CDH18: variants seen among roughly 807,000 people sequenced by gnomAD.
CDH18 encodes the protein cadherin-18.
Under a neutral mutation model 67.9 loss-of-function variants are expected in CDH18, and 31 were observed. The ratio of observed to expected loss-of-function variants is 0.46; its 90% CI spans 0.34 to 0.62. The LOEUF is 0.62. CDH18 is among the 20% of genes least tolerant of loss of function. The pLI is 0.01. For missense variants in CDH18, 890 were observed against 975.5 expected, an observed-to-expected ratio of 0.91 and a Z score of 1.17; for synonymous variants, 362 against 347.2, an observed-to-expected ratio of 1.04 and a Z score of -0.48.
chr5:20,286,496 T>C (rs1746707133), intron 1 of CDH18, among the ~76,000 whole-genome samples: 1 of 151,738 alleles, frequency 6.6e-6, no homozygotes, highest in African/African-American at 2.4e-5. Context: ...GATATTGAAG[T>C]GGAAATTTTT....
At chr5:20,531,805 T>C (rs1332813948) in intron 1 of CDH18, among the ~76,000 whole-genome samples, 1 of 151,932 alleles carries the variant, frequency 6.6e-6, no homozygotes, top group Non-Finnish European at 1.5e-5. Context: ...AATATCTAGG[T>C]GATGGGTAGA....
At chr5:20,385,883 G>A (rs1744274562) in intron 1 of CDH18, among the ~76,000 whole-genome samples, 1 of 152,070 alleles carries the variant, frequency 6.6e-6, no homozygotes, top group East Asian at 1.9e-4. Context: ...TTAAATTTGT[G>A]TTTTACTTCT....
chr5:19,743,481 C>T lies in CDH18; in HGVS notation c.523+3461G>A, dbSNP rs190317145. Among the ~76,000 whole-genome samples, 604 of 152,168 alleles carry T rather than the reference C, an allele frequency of 4.0e-3. 5 individuals are homozygous for T. The highest frequency in any genetic ancestry group is 0.021 in the Middle Eastern group (6 of 292). ...CCCAAACATCCAGCTCTGCCATTGC[C>T]GTGCCAAAACTACCACAGACAATCT... On this transcript the variant is annotated intron_variant, in intron 4 of 12. Transcript: ENST00000382275.
chr5:19,870,315 T>C (rs1477821080), intron 2 of CDH18, among the ~76,000 whole-genome samples: 1 of 152,130 alleles, frequency 6.6e-6, no homozygotes, highest in African/African-American at 2.4e-5. Context: ...TACACATGTA[T>C]TTTGTTGCTC....
chr5:19,940,441 C>A (rs1347899160), intron 2 of CDH18, among the ~76,000 whole-genome samples: 2 of 151,888 alleles, frequency 1.3e-5, no homozygotes, highest in African/African-American at 2.4e-5. Flanking sequence ...CACACATCAG[C>A]CAGACTGCTA....
At chr5:20,337,749 G>C (rs1739911099) in intron 1 of CDH18, among the ~76,000 whole-genome samples, 1 of 152,170 alleles carries the variant, frequency 6.6e-6, no homozygotes, top group African/African-American at 2.4e-5. Context: ...TTCCAAAGCA[G>C]CTTTCACATT....
At chr5:20,367,840 T>G (rs1435417402) in intron 1 of CDH18, among the ~76,000 whole-genome samples, 2 of 152,220 alleles carry the variant, frequency 1.3e-5, no homozygotes, top group African/African-American at 4.8e-5. Flanking sequence ...AACATGTATT[T>G]GTTTTACTTC....
At chr5:19,928,240 A>G (rs1296647650) in intron 2 of CDH18, among the ~76,000 whole-genome samples, 1 of 152,272 alleles carries the variant, frequency 6.6e-6, no homozygotes, top group Non-Finnish European at 1.5e-5. Context: ...AATATTATTA[A>G]AACAGAATTC....
chr5:19,940,723 T>A (rs1343969709), intron 2 of CDH18, among the ~76,000 whole-genome samples: 1 of 152,032 alleles, frequency 6.6e-6, no homozygotes, highest in Non-Finnish European at 1.5e-5. Flanking sequence ...AAGGGTCCTC[T>A]AATCACCCCG....
intron 1 of CDH18, among the ~76,000 whole-genome samples, chr5:20,558,381 A>G (rs1273619321): frequency 1.3e-5 from 2 of 152,096 alleles, no homozygotes; most frequent in African/African-American, 4.8e-5. Flanking sequence ...GAGGAGTATA[A>G]AAAAGGTTAG....
At chr5:20,042,167 A>G (rs946156797) in intron 2 of CDH18, among the ~76,000 whole-genome samples, 1 of 152,204 alleles carries the variant, frequency 6.6e-6, no homozygotes, top group African/African-American at 2.4e-5. Context: ...TAATCATGCA[A>G]GATGAGGAGT....
chr5:19,643,706 G>T (rs967374120), intron 5 of CDH18, among the ~76,000 whole-genome samples: 1 of 152,214 alleles, frequency 6.6e-6, no homozygotes, highest in East Asian at 1.9e-4. Context: ...GGAAGATGTT[G>T]GTCAAGGGCT....
chr5:19,827,431 T>C (rs907527285), intron 3 of CDH18, among the ~76,000 whole-genome samples: 2 of 151,744 alleles, frequency 1.3e-5, no homozygotes, highest in Non-Finnish European at 2.9e-5. Context: ...GAAAAACAGA[T>C]TGTAAATTCT....
rs201726074 is a variant in CDH18 at position 19,608,504 on chromosome 5, T to TC, written c.811+3929dup. 7.5e-3 allele frequency among the ~76,000 whole-genome samples: 1,134 copies of TC among 150,422 alleles called. 5 individuals carry two copies. Among genetic ancestry groups the TC allele is most frequent in the Admixed American group, 9.6e-3 (145 of 15,038 alleles). ...CAATGAAAATAATAAAAACAACAGCTCCCCCCCCAAAAAAAATCAATGCCA... is the reference window on the plus strand; with the variant it reads ...CAATGAAAATAATAAAAACAACAGCTCCCCCCCCCAAAAAAAATCAATGCCA... On this transcript the variant is annotated intron_variant, in intron 6 of 12. Coordinates refer to ENST00000382275, the MANE Select transcript of CDH18 (RefSeq NM_004934.5).
chr5:19,994,855 T>TATATATATATATATATATATATAG (rs760777430), intron 2 of CDH18, among the ~76,000 whole-genome samples: 1 of 67,586 alleles, frequency 1.5e-5, no homozygotes, highest in Non-Finnish European at 2.5e-5. Context: ...TATATATATA[T>TATATATATATATATATATATATAG]AGAGAGAGAG....
At chr5:20,389,381 C>CT (rs944913527) in intron 1 of CDH18, among the ~76,000 whole-genome samples, 2 of 152,000 alleles carry the variant, frequency 1.3e-5, no homozygotes, top group African/African-American at 4.8e-5. Flanking sequence ...CAACACCTGC[C>CT]TTTTTTTGTT....
intron 2 of CDH18, among the ~76,000 whole-genome samples, chr5:19,940,422 C>A (rs1794695435): frequency 6.6e-6 from 1 of 151,958 alleles, no homozygotes; most frequent in South Asian, 2.1e-4. Context: ...TTGCCTCCAG[C>A]TCATTCTCCA....
chr5:19,492,135 G>A lies in CDH18; in HGVS notation c.1631-8583C>T, dbSNP rs1198481284. 2.0e-5 allele frequency among the ~76,000 whole-genome samples: 3 copies of A among 152,194 alleles called. No homozygotes were observed. In the East Asian group the frequency reaches 5.8e-4, roughly 29 times the overall value. ...TGTGATTTAGAACCCTGTAAACAGA[G>A]ATAGAAATGCACACACAATTACTAA... On this transcript the variant is annotated intron_variant, in intron 11 of 12. Transcript: ENST00000382275.
chr5:20,322,414 GAT>G (rs1376446440), intron 1 of CDH18, among the ~76,000 whole-genome samples: 1 of 152,052 alleles, frequency 6.6e-6, no homozygotes, highest in Non-Finnish European at 1.5e-5. Context: ...ATTAAAACAA[GAT>G]ATATGTTCTT....
Sources: allele counts gnomAD v4.1 joint callset (sites outside exome capture counted in the v4.1 genomes callset), GRCh38; gene constraint gnomAD v4.1.1; transcripts MANE v1.5; gene names NCBI Gene and HGNC (gene_info 2026-07-23, HGNC 2026-07-21).